The following PDE4B variants were observed in gnomAD, a reference collection of about 807,000 sequenced individuals.
PDE4B encodes phosphodiesterase 4B.
Under a neutral mutation model 82.2 loss-of-function variants are expected in PDE4B, and 20 were observed. The ratio of observed to expected loss-of-function variants is 0.24; its 90% CI spans 0.17 to 0.35. PDE4B has a LOEUF of 0.35. Ranked by LOEUF, PDE4B falls within the 10% of genes least tolerant of loss-of-function variation. The pLI is 1.00. For missense variants in PDE4B, 655 were observed against 907.2 expected, an observed-to-expected ratio of 0.72 and a Z score of 3.57; for synonymous variants, 320 against 318.9, an observed-to-expected ratio of 1.00 and a Z score of -0.04.
chr1:66,228,232 C>T (rs568507243), intron 3 of PDE4B, among the ~76,000 whole-genome samples: 50 of 152,280 alleles, frequency 3.3e-4, no homozygotes, highest in African/African-American at 1.2e-3. Flanking sequence ...TACCCCGGCT[C>T]ATTCGGAGAG....
At chr1:66,050,533 A>G (rs1242865864) in intron 3 of PDE4B, 1 of 152,092 alleles carries the variant, frequency 6.6e-6, no homozygotes, top group Admixed American at 6.6e-5. Context: ...AAATTTACCT[A>G]CTAATGTATG....
At chr1:65,965,617 A>C (rs938567507) in intron 3 of PDE4B, among the ~76,000 whole-genome samples, 1 of 152,090 alleles carries the variant, frequency 6.6e-6, no homozygotes, top group African/African-American at 2.4e-5. Context: ...CCAAACTGGC[A>C]TGTAAATATT....
chr1:66,228,692 G>T (rs953523901), intron 3 of PDE4B, among the ~76,000 whole-genome samples: 1 of 151,108 alleles, frequency 6.6e-6, no homozygotes, highest in African/African-American at 2.4e-5. Context: ...GCAACAAGAA[G>T]TTCAAGGGTA....
rs907917520 is a variant in PDE4B at position 65,936,015 on chromosome 1, T to G, written c.281+17180T>G. On this transcript the variant is annotated intron_variant, in intron 3 of 16. Coordinates refer to ENST00000341517, the MANE Select transcript of PDE4B (RefSeq NM_002600.4). The stretch of plus-strand genomic sequence containing the variant: ...CTGCATAAAGATATTTGTTATATCC[T>G]TATTCTATAAGCTTTTTTCTTTTTT... 1.1e-3 allele frequency among the ~76,000 whole-genome samples: 174 copies of G among 152,204 alleles called. 1 individual carries two copies. Among genetic ancestry groups the G allele is most frequent in the Non-Finnish European group, 2.2e-4 (15 of 68,032 alleles).
intron 1 of PDE4B, among the ~76,000 whole-genome samples, chr1:65,819,827 G>T (rs887397800): frequency 2.6e-5 from 4 of 152,092 alleles, no homozygotes; most frequent in African/African-American, 7.2e-5. Flanking sequence ...TCTGTAAAGG[G>T]CATGAAATTA....
chr1:66,079,439 A>G (rs1259644423), intron 3 of PDE4B, among the ~76,000 whole-genome samples: 1 of 152,106 alleles, frequency 6.6e-6, no homozygotes, highest in Non-Finnish European at 1.5e-5. Context: ...GAAATATGCC[A>G]CATGAACCTG....
At chr1:65,851,719 C>A (rs1259894139) in intron 1 of PDE4B, among the ~76,000 whole-genome samples, 3 of 151,784 alleles carry the variant, frequency 2.0e-5, no homozygotes, top group Non-Finnish European at 4.4e-5. Context: ...TAAAAGGTTT[C>A]TTCTTTCTAT....
intron 3 of PDE4B, among the ~76,000 whole-genome samples, chr1:66,153,547 T>C (rs965428807): frequency 6.6e-6 from 1 of 152,200 alleles, no homozygotes; most frequent in African/African-American, 2.4e-5. Flanking sequence ...GTATAGAGCT[T>C]CCATTCATAT....
intron 8 of PDE4B, among the ~76,000 whole-genome samples, chr1:66,347,469 T>C (rs1296943743): frequency 6.6e-6 from 1 of 152,218 alleles, no homozygotes; most frequent in Non-Finnish European, 1.5e-5. Flanking sequence ...AGCTTAGGGA[T>C]TACTGAAATA....
chr1:66,105,730 GCT>G, intron 3 of PDE4B, among the ~76,000 whole-genome samples: 1 of 152,116 alleles, frequency 6.6e-6, no homozygotes, highest in Non-Finnish European at 1.5e-5. Flanking sequence ...CTCATGATTG[GCT>G]CTCTGTTTGT....
intron 6 of PDE4B, 27 bp downstream of exon 6, chr1:66,257,890 T>C: frequency 6.5e-7 from 1 of 1,547,762 alleles, no homozygotes; most frequent in Non-Finnish European, 8.9e-7. Flanking sequence ...TTGTGGAGTT[T>C]GAATCCCTAA....
intron 3 of PDE4B, among the ~76,000 whole-genome samples, chr1:66,183,419 T>C (rs526772): frequency 0.13 from 19,357 of 152,210 alleles, 1,432 homozygotes; most frequent in Non-Finnish European, 0.17. Context: ...ATTTTTCATC[T>C]GCTGGGCAAT....
At chr1:65,880,403 T>C (rs1016575969) in intron 1 of PDE4B, among the ~76,000 whole-genome samples, 3 of 152,196 alleles carry the variant, frequency 2.0e-5, no homozygotes, top group Admixed American at 6.5e-5. Context: ...CTGTAGGAGG[T>C]TGATCTCTCT....
intron 1 of PDE4B, among the ~76,000 whole-genome samples, chr1:65,839,056 G>A (rs1646177008): frequency 6.6e-6 from 1 of 152,050 alleles, no homozygotes. Flanking sequence ...CAGTAGGTGT[G>A]TAAGATATCG....
At chr1:66,146,950 C>T (rs1455460009) in intron 3 of PDE4B, among the ~76,000 whole-genome samples, 1 of 152,080 alleles carries the variant, frequency 6.6e-6, no homozygotes, top group African/African-American at 2.4e-5. Context: ...GAGCTGTATG[C>T]AACTCTAGGG....
intron 3 of PDE4B, among the ~76,000 whole-genome samples, chr1:66,216,646 C>G (rs549182075): frequency 2.4e-4 from 37 of 152,266 alleles, no homozygotes; most frequent in African/African-American, 8.7e-4. Context: ...TCTCTTAAGA[C>G]ACCTCTGAAA....
chr1:66,170,372 AT>A (rs1330939812), intron 3 of PDE4B, among the ~76,000 whole-genome samples: 1 of 152,184 alleles, frequency 6.6e-6, no homozygotes, highest in African/African-American at 2.4e-5. Flanking sequence ...ACACATTAAA[AT>A]TTCCTTACCT....
At chr1:66,344,974 C>T (rs491190) in intron 8 of PDE4B, among the ~76,000 whole-genome samples, 104,051 of 152,058 alleles carry the variant, frequency 0.68, 36,312 homozygotes, top group East Asian at 0.89. Flanking sequence ...ATAGCTGTTT[C>T]TTATTTTTGT....
intron 3 of PDE4B, among the ~76,000 whole-genome samples, chr1:66,196,411 A>G (rs1404491238): frequency 6.6e-6 from 1 of 152,216 alleles, no homozygotes; most frequent in Non-Finnish European, 1.5e-5. Flanking sequence ...CTGCCTAGGC[A>G]CAGAAGGGTT....
Sources: allele counts gnomAD v4.1 joint callset (sites outside exome capture counted in the v4.1 genomes callset), GRCh38; gene constraint gnomAD v4.1.1; transcripts MANE v1.5; gene names NCBI Gene and HGNC (gene_info 2026-07-23, HGNC 2026-07-21).